TMEM135: variants seen among roughly 807,000 people sequenced by gnomAD.
TMEM135 encodes the protein transmembrane protein 135, also known as peroxisomal membrane protein 52.
Under a neutral mutation model 60.3 loss-of-function variants are expected in TMEM135, and 30 were observed. The observed-to-expected ratio is 0.50, with a 90% confidence interval of 0.37 to 0.68. The LOEUF (loss-of-function observed/expected upper bound fraction) is 0.68, where lower values mean the gene tolerates loss of function less well. TMEM135 is among the 30% of genes least tolerant of loss of function. The probability of loss-of-function intolerance (pLI) is 0.00; values close to 1 mark genes in which losing one functional copy is unlikely to be tolerated. For synonymous variants in TMEM135, 190 were observed against 186.7 expected, an observed-to-expected ratio of 1.02 and a Z score of -0.14; for missense variants, 468 against 548.8, an observed-to-expected ratio of 0.85 and a Z score of 1.47.
intron 5 of TMEM135, among the ~76,000 whole-genome samples, chr11:87,174,761 G>T (rs536419316): frequency 9.2e-5 from 14 of 152,220 alleles, no homozygotes; most frequent in African/African-American, 3.4e-4. Flanking sequence ...ATATCCCTTT[G>T]TTCAATGCCC....
chr11:87,305,616 A>G (rs758180190), intron 8 of TMEM135, among the ~76,000 whole-genome samples: 1 of 152,136 alleles, frequency 6.6e-6, no homozygotes, highest in East Asian at 1.9e-4. Context: ...TCTACTAAAA[A>G]TACAAAAATT....
chr11:87,279,601 T>C (rs1441515686), intron 6 of TMEM135, among the ~76,000 whole-genome samples: 1 of 152,242 alleles, frequency 6.6e-6, no homozygotes, highest in African/African-American at 2.4e-5. Flanking sequence ...CTTTTAACTC[T>C]ACTGCCTCAG....
chr11:87,253,562 C>G (rs957748583), intron 6 of TMEM135, among the ~76,000 whole-genome samples: 2 of 150,082 alleles, frequency 1.3e-5, no homozygotes, highest in Admixed American at 1.3e-4. Flanking sequence ...TACAGTAGTT[C>G]CCAGAGGTTC....
chr11:87,121,933 C>T (rs971802823), intron 4 of TMEM135, among the ~76,000 whole-genome samples: 2 of 152,134 alleles, frequency 1.3e-5, no homozygotes, highest in East Asian at 1.9e-4. Context: ...AGCCACTGCG[C>T]CTGGCCTGAA....
chr11:87,091,994 T>C (rs1857218780), intron 4 of TMEM135, among the ~76,000 whole-genome samples: 1 of 152,174 alleles, frequency 6.6e-6, no homozygotes, highest in African/African-American at 2.4e-5. Flanking sequence ...TTAAAATCTT[T>C]TCAGGTTGTT....
intron 5 of TMEM135, among the ~76,000 whole-genome samples, chr11:87,168,154 T>C (rs1466296944): frequency 1.3e-5 from 2 of 152,198 alleles, no homozygotes; most frequent in Admixed American, 6.5e-5. Flanking sequence ...TCAATGGTGA[T>C]ATCTCTTTTA....
intron 5 of TMEM135, among the ~76,000 whole-genome samples, chr11:87,207,379 C>T (rs955477563): frequency 6.6e-6 from 1 of 151,990 alleles, no homozygotes; most frequent in Non-Finnish European, 1.5e-5. Flanking sequence ...TCTGTTATTC[C>T]CTGTGATCTT....
chr11:87,193,851 C>G (rs1939873173), intron 5 of TMEM135, among the ~76,000 whole-genome samples: 1 of 149,796 alleles, frequency 6.7e-6, no homozygotes, highest in Non-Finnish European at 1.5e-5. Context: ...TTTAATAGGC[C>G]TATGATCATG....
chr11:87,201,481 A>G (rs1940092932), intron 5 of TMEM135, among the ~76,000 whole-genome samples: 1 of 152,158 alleles, frequency 6.6e-6, no homozygotes, highest in African/African-American at 2.4e-5. Context: ...TTTTCATTCA[A>G]TACAAAGTAA....
intron 6 of TMEM135, among the ~76,000 whole-genome samples, chr11:87,261,797 TTTTG>T (rs1941656650): frequency 6.6e-6 from 1 of 152,222 alleles, no homozygotes; most frequent in Non-Finnish European, 1.5e-5. Context: ...AATTTTTTAG[TTTTG>T]TTTTTTAGAG....
At chr11:87,047,250 T>TG (rs1949804234) in intron 1 of TMEM135, among the ~76,000 whole-genome samples, 1 of 152,156 alleles carries the variant, frequency 6.6e-6, no homozygotes, top group South Asian at 2.1e-4. Flanking sequence ...CTTGATTTTC[T>TG]GGGGAATATC....
At chr11:87,167,608 G>A (rs540008790) in intron 5 of TMEM135, among the ~76,000 whole-genome samples, 5 of 152,256 alleles carry the variant, frequency 3.3e-5, no homozygotes, top group South Asian at 2.1e-4. Flanking sequence ...GATGGAGTAC[G>A]TTTATTGATT....
chr11:87,082,522 C>T (rs911713681), intron 3 of TMEM135, among the ~76,000 whole-genome samples: 1 of 151,990 alleles, frequency 6.6e-6, no homozygotes, highest in Non-Finnish European at 1.5e-5. Flanking sequence ...CAATGATATG[C>T]TGGTGGAAAT....
In TMEM135 at chr11:87,325,109, A is replaced by T; in HGVS notation, c.*3776A>T. Reference sequence around the variant, plus strand: ...TTCTTGTGGAATTAACAAAGAAAGGAGTGTCAAGGACTGAGATGACCCTCA... The same window carrying T: ...TTCTTGTGGAATTAACAAAGAAAGGTGTGTCAAGGACTGAGATGACCCTCA... On this transcript the variant is annotated 3_prime_UTR_variant, in exon 15 of 15. Transcript: ENST00000305494. 2.2e-6 allele frequency: 1 copy of T among 453,724 alleles called. No individual in the cohort carries two copies. Among genetic ancestry groups the T allele is most frequent in the Non-Finnish European group, 4.4e-6 (1 of 226,770 alleles). The allele number at this position is 453,724 out of a possible 1,614,324, so 28.1% of individuals were successfully genotyped here.
chr11:87,114,248 C>T (rs1053064227), intron 4 of TMEM135, among the ~76,000 whole-genome samples: 3 of 151,966 alleles, frequency 2.0e-5, no homozygotes, highest in Non-Finnish European at 4.4e-5. Flanking sequence ...AAGAATGCAA[C>T]ACAAAGAAAT....
intron 5 of TMEM135, among the ~76,000 whole-genome samples, chr11:87,169,157 A>G (rs1295637506): frequency 6.6e-6 from 1 of 150,432 alleles, no homozygotes; most frequent in Non-Finnish European, 1.5e-5. Flanking sequence ...TACTCTGTAA[A>G]TTCTTCCTCC....
chr11:87,076,293 A>G (rs904905224), intron 3 of TMEM135, among the ~76,000 whole-genome samples: 1 of 152,148 alleles, frequency 6.6e-6, no homozygotes, highest in Non-Finnish European at 1.5e-5. Flanking sequence ...CAGGCAGAGG[A>G]GCCTCTCCAT....
chr11:87,182,115 A>G (rs1421386174), intron 5 of TMEM135, among the ~76,000 whole-genome samples: 1 of 152,044 alleles, frequency 6.6e-6, no homozygotes, highest in East Asian at 1.9e-4. Context: ...TAGTATTAAA[A>G]TGAAGTTTCT....
intron 4 of TMEM135, among the ~76,000 whole-genome samples, chr11:87,115,364 AT>A (rs954564234): frequency 6.6e-6 from 1 of 152,154 alleles, no homozygotes; most frequent in Non-Finnish European, 1.5e-5. Flanking sequence ...TAATCTTAAA[AT>A]ATCTCTATCC....
Sources: gnomAD v4.1 joint callset for allele counts (sites outside exome capture counted in the v4.1 genomes callset) on GRCh38, gnomAD v4.1.1 for gene constraint, MANE v1.5 for transcripts, NCBI Gene and HGNC (gene_info 2026-07-23, HGNC 2026-07-21) for gene names.